The following CEP85L variants were observed in gnomAD, a reference collection of about 807,000 sequenced individuals.
CEP85L encodes the protein centrosomal protein 85L, also known as centrosomal protein of 85 kDa-like.
CEP85L carries 60 observed loss-of-function variants against 100.3 expected under a neutral mutation model. That is an observed-to-expected ratio of 0.60 (90% CI 0.49 to 0.74). CEP85L has a LOEUF of 0.74. Ranked by LOEUF, CEP85L falls within the 30% of genes least tolerant of loss-of-function variation. CEP85L has a pLI of 0.00. For missense variants in CEP85L, 973 were observed against 936.2 expected (o/e 1.04, Z -0.51); for synonymous variants, 319 against 322.7 (o/e 0.99, Z 0.12).
intron 1 of CEP85L, among the ~76,000 whole-genome samples, chr6:118,696,988 A>G (rs901849466): frequency 3.9e-5 from 6 of 152,146 alleles, no homozygotes; most frequent in African/African-American, 1.4e-4. Flanking sequence ...AAAGGGGACT[A>G]TTTATTGTTT....
At chr6:118,590,668 C>A (rs534984548) in intron 2 of CEP85L, among the ~76,000 whole-genome samples, 27 of 152,212 alleles carry the variant, frequency 1.8e-4, no homozygotes, top group African/African-American at 6.5e-4. Flanking sequence ...TTGGAGCCCC[C>A]CTCCATCTCT....
intron 3 of CEP85L, among the ~76,000 whole-genome samples, chr6:118,533,043 G>A (rs1179876112): frequency 6.6e-6 from 1 of 151,866 alleles, no homozygotes; most frequent in Non-Finnish European, 1.5e-5. Context: ...AGTTATATTA[G>A]AAAAAGGGAA....
chr6:118,545,380 G>C (rs1562247125), intron 3 of CEP85L, among the ~76,000 whole-genome samples: 1 of 152,172 alleles, frequency 6.6e-6, no homozygotes, highest in Admixed American at 6.5e-5. Flanking sequence ...ACGAGGTCAG[G>C]AGTTTGAGAC....
chr6:118,475,806 A>T (rs1034713836), intron 10 of CEP85L, among the ~76,000 whole-genome samples: 6 of 152,156 alleles, frequency 3.9e-5, no homozygotes, highest in African/African-American at 1.4e-4. Flanking sequence ...TGTTTTTTAA[A>T]TTTAAACCTC....
intron 2 of CEP85L, among the ~76,000 whole-genome samples, chr6:118,581,039 C>T (rs1029305654): frequency 2.0e-5 from 3 of 152,132 alleles, no homozygotes; most frequent in African/African-American, 7.2e-5. Flanking sequence ...AAATCCTCTA[C>T]ATGAGGCACT....
At chr6:118,511,189 T>C (rs1775943932) in intron 5 of CEP85L, 109 bp downstream of exon 5, 7 of 728,064 alleles carry the variant, frequency 9.6e-6, no homozygotes, top group South Asian at 8.7e-5. Flanking sequence ...ATATAAATCA[T>C]GTGAATACAT....
At chr6:118,585,722 A>G (rs953014394) in intron 2 of CEP85L, among the ~76,000 whole-genome samples, 2 of 152,222 alleles carry the variant, frequency 1.3e-5, no homozygotes, top group Non-Finnish European at 2.9e-5. Flanking sequence ...GATTGTTTTC[A>G]GGAAAGAACT....
In CEP85L at chr6:118,462,695, T is replaced by G. The variant is rs566582769; in HGVS notation, c.*2710A>C. On this transcript the variant is annotated 3_prime_UTR_variant, in exon 13 of 13. Transcript: ENST00000368491. ...GGTGTCATAACTTCCACGAACATCCTAGTTCAAACTGGGTGAGATGCTCTA... is the reference window on the plus strand; with the variant it reads ...GGTGTCATAACTTCCACGAACATCCGAGTTCAAACTGGGTGAGATGCTCTA... 6 of 152,022 alleles carry G rather than the reference T, an allele frequency of 3.9e-5. No individual in the cohort carries two copies. Among genetic ancestry groups the G allele is most frequent in the Non-Finnish European group, 7.4e-5 (5 of 67,900 alleles). 9.4% of individuals were successfully genotyped at this position (152,022 alleles called of 1,614,324 possible). A position where few individuals can be genotyped will look rare whatever the true frequency, so the allele number is the denominator to read the frequency against.
At chr6:118,470,038 G>A (rs1772826058) in intron 11 of CEP85L, among the ~76,000 whole-genome samples, 1 of 152,018 alleles carries the variant, frequency 6.6e-6, no homozygotes, top group Admixed American at 6.6e-5. Flanking sequence ...TTGCATATTG[G>A]TGGGGGGAAG....
At chr6:118,502,899 C>G (rs1775397595) in intron 5 of CEP85L, 1 of 513,822 alleles carries the variant, frequency 1.9e-6, no homozygotes, top group Non-Finnish European at 3.7e-6. Flanking sequence ...CTTGAAGAAC[C>G]TAAAAAGACA....
At chr6:118,594,914 T>TTTTTGA (rs1781387286) in intron 2 of CEP85L, among the ~76,000 whole-genome samples, 1 of 143,636 alleles carries the variant, frequency 7.0e-6, no homozygotes, top group Non-Finnish European at 1.5e-5. Context: ...TTGAAAAAGA[T>TTTTTGA]AAATGAATTG....
chr6:118,698,214 A>G (rs528977865), intron 1 of CEP85L, among the ~76,000 whole-genome samples: 3 of 152,366 alleles, frequency 2.0e-5, no homozygotes, highest in South Asian at 2.1e-4. Context: ...GAGGTGGGAA[A>G]TAAATTGTCC....
rs193162138 is a variant in CEP85L, at chr6:118,670,890, C to T, written c.-27-18082G>A. Reference sequence around the variant, plus strand: ...GAAATGTTCTCCTGATTAGCACCATCAGCAGGACGACTTTTGGTGCTGAGG... The same window carrying T: ...GAAATGTTCTCCTGATTAGCACCATTAGCAGGACGACTTTTGGTGCTGAGG... On this transcript the variant is annotated intron_variant, in intron 1 of 13. Transcript: ENST00000368488. Among the ~76,000 whole-genome samples the T allele has an allele frequency of 2.9e-3, 434 of 151,840 alleles. 1 individual carries two copies. Among genetic ancestry groups the T allele is most frequent in the African/African-American group, 9.7e-3 (403 of 41,376 alleles).
At chr6:118,513,450 C>T (rs774090234) in intron 4 of CEP85L, among the ~76,000 whole-genome samples, 2 of 151,696 alleles carry the variant, frequency 1.3e-5, no homozygotes, top group Non-Finnish European at 2.9e-5. Flanking sequence ...TTAATAGCAA[C>T]CAGAGGGAAA....
At chr6:118,574,582 G>A (rs761459750) in intron 2 of CEP85L, among the ~76,000 whole-genome samples, 7 of 152,198 alleles carry the variant, frequency 4.6e-5, no homozygotes, top group Non-Finnish European at 8.8e-5. Flanking sequence ...ATGTCCTGCT[G>A]CCTCACTGCG....
At chr6:118,599,282 C>CA (rs1562296715) in intron 2 of CEP85L, among the ~76,000 whole-genome samples, 1 of 151,974 alleles carries the variant, frequency 6.6e-6, no homozygotes. Context: ...AGGAAGTGCT[C>CA]AAAAAACAAA....
At chr6:118,606,770 G>A (rs910242030) in intron 2 of CEP85L, among the ~76,000 whole-genome samples, 5 of 152,204 alleles carry the variant, frequency 3.3e-5, no homozygotes, top group Admixed American at 1.3e-4. Flanking sequence ...GTTTTATCCT[G>A]AAGTACCCCT....
chr6:118,626,023 G>A (rs140951553), intron 2 of CEP85L, among the ~76,000 whole-genome samples: 21 of 152,148 alleles, frequency 1.4e-4, no homozygotes, highest in African/African-American at 4.6e-4. Context: ...CCCCATCGTC[G>A]CCCCTAACCA....
intron 5 of CEP85L, among the ~76,000 whole-genome samples, chr6:118,493,773 T>C (rs1774724989): frequency 1.3e-5 from 2 of 152,324 alleles, no homozygotes; most frequent in African/African-American, 2.4e-5. Context: ...AAATAGGTTA[T>C]ACTTAAGCAG....
Sources: gnomAD v4.1 joint callset for allele counts (sites outside exome capture counted in the v4.1 genomes callset) on GRCh38, gnomAD v4.1.1 for gene constraint, MANE v1.5 for transcripts, NCBI Gene and HGNC (gene_info 2026-07-23, HGNC 2026-07-21) for gene names.